Variants in PRSS38 observed in about 807,000 individuals in gnomAD.
PRSS38 encodes marapsin 2.
A neutral mutation model predicts 26.8 loss-of-function variants in PRSS38; 22 were observed. The observed-to-expected ratio is 0.82, with a 90% CI of 0.59 to 1.17. The LOEUF (loss-of-function observed/expected upper bound fraction) is 1.17, where lower values mean the gene tolerates loss of function less well. Among genes scored for constraint, PRSS38 ranks in the 50% most tolerant of loss-of-function variants. The pLI is 0.00. For synonymous variants in PRSS38, 175 were observed against 172.1 expected, an observed-to-expected ratio of 1.02 and a Z score of -0.13; for missense variants, 427 against 422.7, an observed-to-expected ratio of 1.01 and a Z score of -0.09.
At chr1:227,843,270 CAT>C (rs749973295) in intron 3 of PRSS38, among the ~76,000 whole-genome samples, 5 of 152,200 alleles carry the variant, frequency 3.3e-5, no homozygotes, top group Non-Finnish European at 7.3e-5. Context: ...AAGTAGCCCT[CAT>C]ATTTATTTGG....
chr1:227,815,677 C>A, upstream of PRSS38: 1 of 1,536,082 alleles, frequency 6.5e-7, no homozygotes, highest in Non-Finnish European at 8.8e-7. Context: ...AGTCACATGT[C>A]GGGAGCTAGT....
intron 3 of PRSS38, among the ~76,000 whole-genome samples, chr1:227,830,614 C>A (rs570781592): frequency 1.2e-4 from 18 of 150,834 alleles, no homozygotes; most frequent in Non-Finnish European, 2.4e-4. Context: ...GATTCTCCTG[C>A]CTGAGTAGCT....
chr1:227,828,533 G>A lies in PRSS38; in HGVS notation c.583+11053G>A, dbSNP rs551509458. The stretch of plus-strand genomic sequence containing the variant: ...CTTGGAATTCCAGCCTGCCAGTCGC[G>A]ATAGGCTGGAATCTGCTTAAGAAGG... On this transcript the variant is annotated intron_variant, in intron 3 of 4. Transcript: ENST00000366757. Among the ~76,000 whole-genome samples, 6 of 152,242 alleles carry A rather than the reference G, an allele frequency of 3.9e-5. No homozygotes were observed. In the East Asian group the frequency reaches 5.8e-4, roughly 15 times the overall value.
In PRSS38 at chr1:227,845,995, C is replaced by T. The variant is rs150287260; in HGVS notation, c.768C>T (p.Ser256=). 795 of 1,614,080 alleles carry T rather than the reference C, an allele frequency of 4.9e-4. 5 individuals carry two copies. The highest frequency in any genetic ancestry group is 9.1e-5 in the Non-Finnish European group (107 of 1,180,026). ...CACTTGTCTGTGAATTCAACCGCAG[C>T]TGGTTGCAGATTGGAATTGTGAGCT... is the stretch of plus-strand genomic sequence containing the variant. Residue 256 remains serine (S), a synonymous_variant, in exon 5 of 5, where the codon AGC becomes AGT. Coordinates refer to ENST00000366757, the Ensembl canonical transcript of PRSS38.
At chr1:227,823,663 A>G (rs889307448) in intron 3 of PRSS38, among the ~76,000 whole-genome samples, 2 of 152,144 alleles carry the variant, frequency 1.3e-5, no homozygotes, top group African/African-American at 4.8e-5. Context: ...TTAAGAGCCT[A>G]ACATCTCTCT....
exon 1 of PRSS38, chr1:227,815,854 T>G: frequency 1.2e-6 from 2 of 1,606,670 alleles, no homozygotes; most frequent in Non-Finnish European, 1.7e-6. Context: ...TCTCCCTAAC[T>G]GGCAGCGTGG....
At chr1:227,833,633 G>A (rs1665194615) in intron 3 of PRSS38, among the ~76,000 whole-genome samples, 1 of 152,066 alleles carries the variant, frequency 6.6e-6, no homozygotes, top group African/African-American at 2.4e-5. Flanking sequence ...GAGATATATA[G>A]ACCAATGGAA....
chr1:227,845,666 AC>A, intron 4 of PRSS38, 54 bp downstream of exon 4: 1 of 1,550,308 alleles, frequency 6.5e-7, no homozygotes. Context: ...GTGCCTGTGG[AC>A]CCCACAGGAC....
intron 3 of PRSS38, among the ~76,000 whole-genome samples, chr1:227,831,986 G>A (rs1665160109): frequency 1.3e-5 from 2 of 152,092 alleles, no homozygotes; most frequent in African/African-American, 4.8e-5. Flanking sequence ...GCTCTGATTG[G>A]GTGCATACAT....
intron 4 of PRSS38, 112 bp downstream of exon 4, chr1:227,845,724 C>T (rs1045197302): frequency 6.7e-6 from 9 of 1,342,718 alleles, no homozygotes; most frequent in African/African-American, 5.8e-5. Flanking sequence ...CAGCCATGCC[C>T]CAAGCTGAGC....
chr1:227,817,938 A>G (rs1282517511), intron 3 of PRSS38, among the ~76,000 whole-genome samples: 2 of 152,196 alleles, frequency 1.3e-5, no homozygotes, highest in East Asian at 3.8e-4. Flanking sequence ...AGCTGTGACT[A>G]TGTGTGATTT....
chr1:227,819,512 G>C (rs1291096872), intron 3 of PRSS38, among the ~76,000 whole-genome samples: 2 of 152,034 alleles, frequency 1.3e-5, no homozygotes, highest in Non-Finnish European at 2.9e-5. Flanking sequence ...CTACAAAAAA[G>C]GCCATTGGAA....
At chr1:227,842,305 C>T (rs963974706) in intron 3 of PRSS38, among the ~76,000 whole-genome samples, 10 of 152,192 alleles carry the variant, frequency 6.6e-5, no homozygotes, top group African/African-American at 9.7e-5. Flanking sequence ...AAATTCAGCT[C>T]TGCCCTCTCT....
chr1:227,830,289 A>T (rs1448078386), intron 3 of PRSS38, among the ~76,000 whole-genome samples: 2 of 152,108 alleles, frequency 1.3e-5, no homozygotes, highest in Non-Finnish European at 2.9e-5. Flanking sequence ...AAAAATATTC[A>T]TGTTTATAGT....
At chr1:227,825,220 G>A (rs540862150) in intron 3 of PRSS38, among the ~76,000 whole-genome samples, 1 of 152,204 alleles carries the variant, frequency 6.6e-6, no homozygotes, top group African/African-American at 2.4e-5. Flanking sequence ...GAGAGTCTCA[G>A]TCTGTCACCA....
exon 5 of PRSS38, chr1:227,846,318 C>T: frequency 7.3e-7 from 1 of 1,375,044 alleles, no homozygotes; most frequent in Non-Finnish European, 9.9e-7. Context: ...CAGACAAGGG[C>T]CACCTATCCC....
chr1:227,827,623 T>C lies in PRSS38; in HGVS notation c.583+10143T>C, dbSNP rs1216437417. Among the ~76,000 whole-genome samples, 4 of 148,906 alleles carry C rather than the reference T, an allele frequency of 2.7e-5. No homozygotes were observed. The East Asian group carries it at 5.9e-4, about 22-fold the overall frequency. ...GCTAGTGATCTATCTTATTAATTTT[T>C]TTTTTTTTTAGAAAACCAGCTTCTG... On this transcript the variant is annotated intron_variant, in intron 3 of 4. Transcript: ENST00000366757.
intron 3 of PRSS38, among the ~76,000 whole-genome samples, chr1:227,822,771 A>G (rs574056058): frequency 5.1e-4 from 78 of 152,314 alleles, no homozygotes; most frequent in African/African-American, 1.8e-3. Context: ...ATACTTAGCC[A>G]TGCTTGCACC....
rs761686830 is a variant in PRSS38 at position 227,816,207 on chromosome 1, T to A, written c.266T>A (p.Ile89Asn). ...GGCCTCCACGTCTGCGGCGGCTCCA[T>A]CCTCAATGAGTACTGGGTGCTGTCA... Residue 89 changes from isoleucine to asparagine, a missense_variant, in exon 2 of 5, where the codon ATC (isoleucine) becomes AAC (asparagine). Transcript: ENST00000366757. This position sits in a 1 kb window ranked among gnomAD's most constrained non-coding sequence, Gnocchi z 5.1. 1.2e-6 allele frequency: 2 copies of A among 1,613,706 alleles called. No individual in the cohort carries two copies. The highest frequency in any genetic ancestry group is 4.5e-5 in the East Asian group (2 of 44,870).
Sources: gnomAD v4.1 joint callset for allele counts (sites outside exome capture counted in the v4.1 genomes callset) on GRCh38, gnomAD v4.1.1 for gene constraint, Gnocchi (gnomAD v3.1) non-coding constraint, MANE v1.5 for transcripts, NCBI Gene and HGNC (gene_info 2026-07-23, HGNC 2026-07-21) for gene names.